Variants in PROP1 observed in about 807,000 individuals in gnomAD.
PROP1 encodes homeobox protein prophet of Pit-1.
A neutral mutation model predicts 22.3 loss-of-function variants in PROP1; 12 were observed. The ratio of observed to expected loss-of-function variants is 0.54; its 90% confidence interval spans 0.34 to 0.87. The LOEUF (loss-of-function observed/expected upper bound fraction) is 0.87, where lower values mean the gene tolerates loss of function less well. Among genes scored for constraint, PROP1 ranks in the 40% least tolerant of loss-of-function variants. The pLI is 0.01. For missense variants in PROP1, 278 were observed against 295.1 expected, an observed-to-expected ratio of 0.94 and a Z score of 0.43; for synonymous variants, 112 against 116.7, an observed-to-expected ratio of 0.96 and a Z score of 0.26.
intron 1 of PROP1, among the ~76,000 whole-genome samples, chr5:177,994,982 C>T (rs1283999898): frequency 6.6e-6 from 1 of 152,200 alleles, no homozygotes; most frequent in Admixed American, 6.5e-5. Flanking sequence ...TGGACACACA[C>T]GACCACCTGG....
Position 177,994,023 on chromosome 5 carries a change from A to T in PROP1, c.342+83T>A, listed in dbSNP as rs1755688798. On this transcript the variant is annotated intron_variant, in intron 2 of 2. Coordinates refer to ENST00000308304, the MANE Select transcript of PROP1 (RefSeq NM_006261.5). ...CCTGTGTCTGGTGACCATTTAGGTT[A>T]GGGTTATAATGCCCAACATTCTATG... 5 of 1,446,554 alleles carry T rather than the reference A, an allele frequency of 3.5e-6. No individual in the cohort carries two copies. In the South Asian group the frequency reaches 5.7e-5, roughly 16 times the overall value. 89.6% of individuals were successfully genotyped at this position (1,446,554 alleles called of 1,614,324 possible).
Position 177,992,801 on chromosome 5 carries a change from T to C in PROP1, c.589A>G (p.Thr197Ala). 1 of 1,605,218 alleles carries C rather than the reference T, an allele frequency of 6.2e-7. No individual in the cohort carries two copies. Among genetic ancestry groups the C allele is most frequent in the Non-Finnish European group, 8.5e-7 (1 of 1,176,200 alleles). ...TGGCCGGCAGGGGCTGGGTGCAAGG[T>C]AGGGTACCAGTCCTCAGACTGGTGT... ...LSHQSEDWYP[T>A]LHPAPAGHLP... Residue 197 changes from threonine to alanine, a missense_variant, in exon 3 of 3, where the codon ACC (threonine) becomes GCC (alanine). Coordinates refer to ENST00000308304, the MANE Select transcript of PROP1 (RefSeq NM_006261.5).
At chr5:177,995,718 G>T in intron 1 of PROP1, 107 bp downstream of exon 1, 1 of 869,346 alleles carries the variant, frequency 1.2e-6, no homozygotes, top group Non-Finnish European at 1.9e-6. Flanking sequence ...AACATGATAG[G>T]ATTCGGGTTT....
chr5:177,994,017 T>C, intron 2 of PROP1, 89 bp downstream of exon 2: 1 of 1,396,362 alleles, frequency 7.2e-7, no homozygotes, highest in Non-Finnish European at 1.0e-6. Flanking sequence ...GGTGACCATT[T>C]AGGTTAGGGT....
chr5:177,994,230 C>T lies in PROP1; in HGVS notation c.218G>A (p.Arg73His), dbSNP rs121917842. The change falls in exon 2 of 3, where the codon CGC (arginine) becomes CAC (histidine). Residue 73 changes from arginine (R) to histidine (H), a missense_variant. Transcript: ENST00000308304. ...CAACTGCACTGGGCTGAAGGTGGTG[C>T]GGTGGCGGCGCCGGGAGTGCGGGCG... ...RGRPHSRRRH[R>H]TTFSPVQLEQ... 12 of 1,613,928 alleles carry T rather than the reference C, an allele frequency of 7.4e-6. No individual in the cohort carries two copies. Among genetic ancestry groups the T allele is most frequent in the East Asian group, 2.2e-5 (1 of 44,874 alleles).
Position 177,992,507 on chromosome 5 carries a change from C to T in PROP1, c.*202G>A, listed in dbSNP as rs1391913985. On this transcript the variant is annotated 3_prime_UTR_variant, in exon 3 of 3. Coordinates refer to ENST00000308304, the MANE Select transcript of PROP1 (RefSeq NM_006261.5). ...CCGAGGCATCTTGCCCTGTCTCTTC[C>T]AGTAGCTCACCTCCCCAGACTTCCT... is the stretch of plus-strand genomic sequence containing the variant. 1.7e-6 allele frequency: 1 copy of T among 576,558 alleles called. No individual in the cohort carries two copies. The highest frequency in any genetic ancestry group is 1.9e-5 in the African/African-American group (1 of 53,692). 35.7% of individuals were successfully genotyped at this position (576,558 alleles called of 1,614,324 possible).
chr5:177,992,756 G>A lies in PROP1; in HGVS notation c.634C>T (p.Pro212Ser), dbSNP rs772198293. ...PAGHLPCPPP[P>S]PMLPLSLEPS... The stretch of plus-strand genomic sequence containing the variant: ...TCAAGGCTGAGGGGGAGCATGGGAG[G>A]GGGTGGGGGGCAGGGCAGATGGCCG... Residue 212 changes from proline to serine, a missense_variant, in exon 3 of 3, where the codon CCT (proline) becomes TCT (serine). By Grantham distance (74) the Pro-to-Ser change is moderately conservative. Coordinates refer to ENST00000308304, the MANE Select transcript of PROP1 (RefSeq NM_006261.5). 5 of 1,592,978 alleles carry A rather than the reference G, an allele frequency of 3.1e-6. No homozygotes were observed. The highest frequency in any genetic ancestry group is 2.6e-6 in the Non-Finnish European group (3 of 1,171,524).
chr5:177,993,649 C>A (rs1325452452), intron 2 of PROP1, among the ~76,000 whole-genome samples: 1 of 151,872 alleles, frequency 6.6e-6, no homozygotes, highest in African/African-American at 2.4e-5. Context: ...GCAACCTCCA[C>A]CTCCCGGGTT....
rs143790367 is a variant in PROP1 at position 177,992,965 on chromosome 5, G to A, written c.425C>T (p.Ala142Val). The A allele has an allele frequency of 2.6e-3, 4,116 of 1,614,046 alleles. 6 individuals are homozygous for A. Among genetic ancestry groups the A allele is most frequent in the Non-Finnish European group, 3.0e-3 (3,517 of 1,179,998 alleles). ...GGACTCTGGCAAGAAGCTGGAAAAG[G>A]CGGCAGGAGACAGATGGGCCAGAGG... ...LQPLAHLSPA[A>V]FSSFLPESTA... The change falls in exon 3 of 3, where the codon GCC becomes GTC. Residue 142 changes from alanine to valine, a missense_variant. By Grantham distance (64) the Ala-to-Val change is moderately conservative. Transcript: ENST00000308304.
In PROP1 at chr5:177,995,835, G is replaced by C. The variant is rs1319229112; in HGVS notation, c.99C>G (p.Thr33=). 3 of 1,613,576 alleles carry C rather than the reference G, an allele frequency of 1.9e-6. No homozygotes were observed. The highest frequency in any genetic ancestry group is 1.7e-5 in the Admixed American group (1 of 60,006). ...PERHPATGTP[T]TTVDSSAPPC... is the part of the protein sequence containing the mutation. ...GGGACGGTCACTCACCCACCGTGGTGGTCGGGGTCCCAGTGGCCGGGTGTC... is the reference window on the plus strand; with the variant it reads ...GGGACGGTCACTCACCCACCGTGGTCGTCGGGGTCCCAGTGGCCGGGTGTC... Residue 33 remains threonine, a synonymous_variant, in exon 1 of 3, where the codon ACC becomes ACG. Transcript: ENST00000308304.
rs762529663 is a variant in PROP1, at chr5:177,992,832, AG to A, written c.557del (p.Ala186ValfsTer50). The A allele has an allele frequency of 1.9e-6, 3 of 1,610,902 alleles. No homozygotes were observed. The highest frequency in any genetic ancestry group is 2.5e-6 in the Non-Finnish European group (3 of 1,178,262). ...PSQPSTGGAFALSHQSEDWYP... is the reference protein window; with the variant it reads ...PSQPSTGGAFXLSHQSEDWYP... ...ACCAGTCCTCAGACTGGTGTGACAA[AG>A]CAAAGGCGCCTCCTGTGGAGGGCTG... On this transcript the variant is annotated frameshift_variant, in exon 3 of 3. Transcript: ENST00000308304. LOFTEE classifies it high-confidence loss of function.
chr5:177,994,256 G>T lies in PROP1; in HGVS notation c.192C>A (p.Gly64=). The change falls in exon 2 of 3, where the codon GGC becomes GGA. Residue 64 remains glycine (G), a synonymous_variant. Transcript: ENST00000308304. ...SRFSPQGGQR[G]RPHSRRRHRT... ...GGTGGCGGCGCCGGGAGTGCGGGCG[G>T]CCCCTCTGTCCTCCTTGCGGGGAGA... The T allele has an allele frequency of 6.2e-7, 1 of 1,613,928 alleles. No individual in the cohort carries two copies. The highest frequency in any genetic ancestry group is 1.3e-5 in the African/African-American group (1 of 75,036).
At chr5:177,993,128 GAC>G (rs1772696432) in intron 2 of PROP1, 81 bp from the exon 3 acceptor site, 1 of 1,246,068 alleles carries the variant, frequency 8.0e-7, no homozygotes, top group East Asian at 2.5e-5. Flanking sequence ...GAGGTGCAGG[GAC>G]AGGGAGCAGG....
chr5:177,995,773 C>T (rs1238283750), intron 1 of PROP1, 52 bp downstream of exon 1: 9 of 1,410,222 alleles, frequency 6.4e-6, no homozygotes, highest in Non-Finnish European at 8.0e-6. Flanking sequence ...TGCTTTCAGC[C>T]TCACACCCGC....
In PROP1 at chr5:177,996,233, A is replaced by G. The variant is rs539789158; in HGVS notation, c.-300T>C. 11 of 442,532 alleles carry G rather than the reference A, an allele frequency of 2.5e-5. No individual in the cohort carries two copies. Among genetic ancestry groups the G allele is most frequent in the Middle Eastern group, 6.6e-4 (1 of 1,504 alleles). 27.4% of individuals were successfully genotyped at this position (442,532 alleles called of 1,614,324 possible). A position where few individuals can be genotyped will look rare whatever the true frequency, so the allele number is the denominator to read the frequency against. On this transcript the variant is annotated 5_prime_UTR_variant, in exon 1 of 3. Coordinates refer to ENST00000308304, the MANE Select transcript of PROP1 (RefSeq NM_006261.5). ...TTTTCTCTGCCTGGCCCTTCTCCCC[A>G]CCGGGATGCTGCTCCCTTCTGTCAG...
intron 1 of PROP1, 75 bp from the exon 2 acceptor site, chr5:177,994,413 G>C (rs1363113008): frequency 1.5e-6 from 2 of 1,294,820 alleles, no homozygotes; most frequent in Non-Finnish European, 2.1e-6. Context: ...TGCCTGTCCC[G>C]GGATTGCGCT....
intron 2 of PROP1, among the ~76,000 whole-genome samples, chr5:177,993,377 C>T (rs1388864649): frequency 3.3e-5 from 5 of 152,140 alleles, no homozygotes; most frequent in Non-Finnish European, 7.4e-5. Context: ...ACGATTAAGA[C>T]TGTAGATAAA....
Position 177,994,262 on chromosome 5 carries a change from C to T in PROP1, c.186G>A (p.Gln62=). The T allele has an allele frequency of 6.2e-7, 1 of 1,613,920 alleles. No homozygotes were observed. Among genetic ancestry groups the T allele is most frequent in the Non-Finnish European group, 8.5e-7 (1 of 1,179,882 alleles). The change falls in exon 2 of 3, where the codon CAG becomes CAA. Residue 62 remains glutamine (Q), a synonymous_variant. Transcript: ENST00000308304. The part of the protein sequence containing the change: ...GRSRFSPQGG[Q]RGRPHSRRRH... ...GGCGCCGGGAGTGCGGGCGGCCCCT[C>T]TGTCCTCCTTGCGGGGAGAACCTTG... is the stretch of plus-strand genomic sequence containing the variant.
intron 1 of PROP1, among the ~76,000 whole-genome samples, chr5:177,994,835 G>C (rs993348789): frequency 6.6e-6 from 1 of 152,078 alleles, no homozygotes; most frequent in African/African-American, 2.4e-5. Context: ...ACACCAGGCT[G>C]TGCTGTCTAC....
Sources: allele counts gnomAD v4.1 joint callset (sites outside exome capture counted in the v4.1 genomes callset), GRCh38; gene constraint gnomAD v4.1.1; transcripts MANE v1.5; gene names NCBI Gene and HGNC (gene_info 2026-07-23, HGNC 2026-07-21).